The following CBR4 variants were observed in gnomAD, a reference collection of about 807,000 sequenced individuals.
CBR4 encodes carbonyl reductase 4, also known as 3-oxoacyl-[acyl-carrier-protein] reductase.
Under a neutral mutation model 21.0 loss-of-function variants are expected in CBR4, and 22 were observed. That is an observed-to-expected ratio of 1.05 (90% confidence interval 0.75 to 1.50). The LOEUF (loss-of-function observed/expected upper bound fraction) is 1.50, where lower values mean the gene tolerates loss of function less well. CBR4 is among the 40% of genes most tolerant of loss of function. The pLI is 0.00. For missense variants in CBR4, 302 were observed against 286.3 expected (o/e 1.05, Z -0.40); for synonymous variants, 100 against 104.4 (o/e 0.96, Z 0.26).
At chr4:168,896,079 G>A (rs1378476647) in intron 2 of CBR4, among the ~76,000 whole-genome samples, 7 of 152,034 alleles carry the variant, frequency 4.6e-5, no homozygotes, top group Middle Eastern at 3.2e-3. Context: ...GTGTGGTGGC[G>A]TGCGCCTGTA....
Position 168,959,547 on chromosome 4 carries a change from C to A in CBR4, n.169+42524G>T, listed in dbSNP as rs1435463355. On this transcript the variant is annotated intron_variant and non_coding_transcript_variant, in intron 2 of 3. Transcript: ENST00000509108. The stretch of plus-strand genomic sequence containing the variant: ...TTTACATTACCACAAATTTTTAAAT[C>A]AGCTTATCAATTTCTTTTTTTTTTT... Among the ~76,000 whole-genome samples, 3 of 144,386 alleles carry A rather than the reference C, an allele frequency of 2.1e-5. No homozygotes were observed. The Admixed American group carries it at 2.1e-4, about 10-fold the overall frequency. The allele number at this position is 144,386 out of a possible 152,430, so 94.7% of individuals were successfully genotyped here.
chr4:168,909,619 AT>A (rs1472028185), intron 2 of CBR4, among the ~76,000 whole-genome samples: 1 of 152,160 alleles, frequency 6.6e-6, no homozygotes, highest in Admixed American at 6.5e-5. Context: ...CCCTTCCATT[AT>A]TCTTATGTTC....
At chr4:168,916,995 A>G (rs1352619811) in intron 2 of CBR4, among the ~76,000 whole-genome samples, 23 of 147,588 alleles carry the variant, frequency 1.6e-4, no homozygotes. Context: ...AAGATAAGTT[A>G]GAGGGACATC....
chr4:168,959,719 C>T (rs1407802836), intron 2 of CBR4, among the ~76,000 whole-genome samples: 1 of 151,762 alleles, frequency 6.6e-6, no homozygotes, highest in Non-Finnish European at 1.5e-5. Context: ...GCATGTGCCA[C>T]CATGCCCGGC....
intron 2 of CBR4, among the ~76,000 whole-genome samples, chr4:168,963,574 A>C (rs1440202359): frequency 2.0e-5 from 3 of 150,946 alleles, no homozygotes; most frequent in Non-Finnish European, 2.9e-5. Flanking sequence ...GGGTTCAAGC[A>C]GTTCTCCTAC....
intron 4 of CBR4, among the ~76,000 whole-genome samples, chr4:168,995,851 T>C (rs946216409): frequency 6.6e-6 from 1 of 152,074 alleles, no homozygotes; most frequent in Non-Finnish European, 1.5e-5. Flanking sequence ...AAGGCTAACA[T>C]CTTGAAGCTT....
chr4:168,989,083 C>T lies in CBR4; in HGVS notation c.*1067G>A. Reference sequence around the variant, plus strand: ...TCACTTAAGACCAGTGCCTTCACTGCTTCTTGTAAAGACATTTAATTTAAT... The same window carrying T: ...TCACTTAAGACCAGTGCCTTCACTGTTTCTTGTAAAGACATTTAATTTAAT... On this transcript the variant is annotated 3_prime_UTR_variant, in exon 5 of 5. Transcript: ENST00000306193. The T allele has an allele frequency of 1.0e-6, 1 of 984,510 alleles. No individual in the cohort carries two copies. The highest frequency in any genetic ancestry group is 1.7e-5 in the African/African-American group (1 of 57,326). 61.0% of individuals were successfully genotyped at this position (984,510 alleles called of 1,614,324 possible).
chr4:168,916,755 G>A (rs1189964205), intron 2 of CBR4, among the ~76,000 whole-genome samples: 8 of 140,794 alleles, frequency 5.7e-5, no homozygotes, highest in Non-Finnish European at 9.1e-5. Context: ...ATCTCGGCTC[G>A]CTGCAACCTC....
chr4:168,911,970 T>C (rs181814946), intron 2 of CBR4, among the ~76,000 whole-genome samples: 1 of 152,278 alleles, frequency 6.6e-6, no homozygotes, highest in East Asian at 1.9e-4. Flanking sequence ...CTGTCTGTAT[T>C]ACATTCCTAT....
intron 2 of CBR4, chr4:168,914,132 G>C (rs1235412539): frequency 2.7e-6 from 2 of 750,260 alleles, no homozygotes; most frequent in African/African-American, 1.7e-5. Flanking sequence ...CTGGAAGATA[G>C]AATAGGAATG....
intron 2 of CBR4, among the ~76,000 whole-genome samples, chr4:168,981,296 G>C (rs373853520): frequency 6.6e-6 from 1 of 152,114 alleles, no homozygotes; most frequent in Non-Finnish European, 1.5e-5. Context: ...CTACTCGGGA[G>C]GTTGAGGCAG....
intron 2 of CBR4, among the ~76,000 whole-genome samples, chr4:168,963,747 G>A (rs1027588759): frequency 3.9e-5 from 6 of 152,058 alleles, no homozygotes; most frequent in Non-Finnish European, 7.4e-5. Flanking sequence ...TGGGAGGCAT[G>A]AGCCACCGCG....
intron 2 of CBR4, among the ~76,000 whole-genome samples, chr4:168,941,217 C>G (rs1165294365): frequency 2.6e-5 from 4 of 152,070 alleles, no homozygotes; most frequent in Non-Finnish European, 4.4e-5. Flanking sequence ...AGGAGAAAGA[C>G]CTAATGTAAA....
chr4:168,986,818 T>A (rs769728547), downstream of CBR4, among the ~76,000 whole-genome samples: 4 of 152,200 alleles, frequency 2.6e-5, no homozygotes, highest in Non-Finnish European at 5.9e-5. Context: ...GGTTAATACC[T>A]GTTGTCTCAG....
At chr4:168,937,444 CA>C (rs1168572404) in intron 2 of CBR4, among the ~76,000 whole-genome samples, 3 of 152,122 alleles carry the variant, frequency 2.0e-5, no homozygotes, top group Non-Finnish European at 4.4e-5. Context: ...ATGACAGGAT[CA>C]AATTCACACA....
At chr4:168,901,446 C>T (rs1007533256) in intron 2 of CBR4, among the ~76,000 whole-genome samples, 38 of 152,000 alleles carry the variant, frequency 2.5e-4, no homozygotes, top group African/African-American at 9.2e-4. Context: ...AAGTTGTATG[C>T]CAAGTATAAT....
intron 2 of CBR4, among the ~76,000 whole-genome samples, chr4:168,910,133 A>G (rs149566336): frequency 1.7e-4 from 26 of 152,026 alleles, no homozygotes; most frequent in African/African-American, 6.3e-4. Flanking sequence ...CAATATTTGT[A>G]TATATGGTTC....
At chr4:168,970,857 T>C (rs1275655143) in intron 2 of CBR4, among the ~76,000 whole-genome samples, 1 of 151,108 alleles carries the variant, frequency 6.6e-6, no homozygotes, top group Non-Finnish European at 1.5e-5. Flanking sequence ...TATACCACAT[T>C]TTCTTCATCT....
intron 2 of CBR4, among the ~76,000 whole-genome samples, chr4:168,958,124 C>T (rs1397838261): frequency 3.3e-5 from 5 of 152,022 alleles, no homozygotes; most frequent in Admixed American, 1.3e-4. Flanking sequence ...AACTAGCCAG[C>T]GTGGTGGTGA....
Sources: gnomAD v4.1 joint callset for allele counts (sites outside exome capture counted in the v4.1 genomes callset) on GRCh38, gnomAD v4.1.1 for gene constraint, MANE v1.5 for transcripts, NCBI Gene and HGNC (gene_info 2026-07-23, HGNC 2026-07-21) for gene names.